The following CLIP2 variants were observed in gnomAD, a reference collection of about 807,000 sequenced individuals.
CLIP2 encodes CAP-Gly domain-containing linker protein 2.
CLIP2 carries 41 observed loss-of-function variants against 111.7 expected under a neutral mutation model. The observed-to-expected ratio is 0.37, with a 90% confidence interval of 0.29 to 0.48. CLIP2 has a LOEUF of 0.48. Ranked by LOEUF, CLIP2 falls within the 20% of genes least tolerant of loss-of-function variation. CLIP2 has a pLI of 0.99. For synonymous variants in CLIP2, 660 were observed against 644.2 expected (o/e 1.02, Z -0.37); for missense variants, 1,160 against 1,422.1 (o/e 0.82, Z 2.96).
intron 13 of CLIP2, among the ~76,000 whole-genome samples, chr7:74,390,197 GAA>G (rs1480947060): frequency 2.9e-5 from 4 of 137,468 alleles, no homozygotes; most frequent in East Asian, 3.9e-4. Flanking sequence ...AAGAAAGAAA[GAA>G]AGAAAGAAAG....
At position 74,354,307 on chromosome 7, in the gene CLIP2, T is replaced by C. The variant is rs528655557; in HGVS notation, c.803+303T>C. On this transcript the variant is annotated intron_variant, in intron 4 of 16. Coordinates refer to ENST00000223398, the MANE Select transcript of CLIP2 (RefSeq NM_003388.5). ...TTGTGTCACTCATGTCTAAGTGGGGTGGGAGCCCTCAAAAAGGAGAGGGAG... is the reference window on the plus strand; with the variant it reads ...TTGTGTCACTCATGTCTAAGTGGGGCGGGAGCCCTCAAAAAGGAGAGGGAG... Among the ~76,000 whole-genome samples, 33 of 152,090 alleles carry C rather than the reference T, an allele frequency of 2.2e-4. No individual in the cohort carries two copies. The South Asian group carries it at 6.8e-3, about 32-fold the overall frequency.
In CLIP2 at chr7:74,376,133, G is replaced by T; in HGVS notation, c.1732G>T (p.Val578Leu). The T allele has an allele frequency of 6.2e-7, 1 of 1,609,920 alleles. No homozygotes were observed. The highest frequency in any genetic ancestry group is 8.5e-7 in the Non-Finnish European group (1 of 1,177,996). ...GGCCCTGAAGGCCTACCAGGCGGAG[G>T]TGGACAAGCTCCGCGCGGCCAACGA... ...EKALKAYQAE[V>L]DKLRAANEKY... The change falls in exon 10 of 17, where the codon GTG becomes TTG. Residue 578 changes from valine (V) to leucine (L), a missense_variant. Physicochemically the swap from Val to Leu is conservative, Grantham distance 32. This residue lies in a region of CLIP2 where 676 missense variants were observed against 777.8 expected (regional missense o/e 0.87). Transcript: ENST00000223398. The surrounding 1 kb of genome is among the most constrained non-coding windows in gnomAD (Gnocchi z 7.1).
At chr7:74,363,279 G>A (rs532927980) in intron 7 of CLIP2, among the ~76,000 whole-genome samples, 2 of 152,324 alleles carry the variant, frequency 1.3e-5, no homozygotes, top group African/African-American at 4.8e-5. Context: ...TGGGATTACG[G>A]GCGTGAGCCA....
intron 2 of CLIP2, among the ~76,000 whole-genome samples, chr7:74,318,723 T>G (rs1021609140): frequency 7.3e-5 from 11 of 151,718 alleles, no homozygotes; most frequent in Non-Finnish European, 1.2e-4. Context: ...AAAAAAAAAA[T>G]GACGATCGTT....
chr7:74,381,417 GA>G (rs1375590279), intron 11 of CLIP2, among the ~76,000 whole-genome samples: 1 of 152,182 alleles, frequency 6.6e-6, no homozygotes, highest in African/African-American at 2.4e-5. Flanking sequence ...TCGATCTCCT[GA>G]CTGCGTGATC....
At chr7:74,392,435 C>T (rs1247760725) in intron 13 of CLIP2, among the ~76,000 whole-genome samples, 3 of 151,584 alleles carry the variant, frequency 2.0e-5, no homozygotes, top group Admixed American at 6.6e-5. Flanking sequence ...CAGGAGGCTG[C>T]GGTAGTAGGA....
At chr7:74,371,267 G>T in intron 8 of CLIP2, among the ~76,000 whole-genome samples, 1 of 101,634 alleles carries the variant, frequency 9.8e-6, no homozygotes, top group Non-Finnish European at 2.4e-5. Context: ...AAAAAAAAAA[G>T]GTTGAGGGGA....
chr7:74,293,051 A>T (rs929021425), intron 1 of CLIP2, among the ~76,000 whole-genome samples: 12 of 152,070 alleles, frequency 7.9e-5, no homozygotes, highest in Admixed American at 2.0e-4. Flanking sequence ...TGCCTCACCT[A>T]AGGCTGACGT....
chr7:74,330,715 G>A (rs1174716645), intron 2 of CLIP2, among the ~76,000 whole-genome samples: 5 of 152,046 alleles, frequency 3.3e-5, no homozygotes, highest in Admixed American at 6.6e-5. Context: ...GACAAATAAT[G>A]TTTTAAAGGT....
At chr7:74,331,205 CAAAAAAAAAAAAAAAAA>C (rs58844348) in intron 2 of CLIP2, among the ~76,000 whole-genome samples, 1 of 59,942 alleles carries the variant, frequency 1.7e-5, no homozygotes, top group African/African-American at 7.7e-5. Context: ...GACTCCATCT[CAAAAAAAAAAAAAAAAA>C]AAAAAAAAAA....
At chr7:74,359,997 T>C (rs1031643392) in intron 6 of CLIP2, among the ~76,000 whole-genome samples, 178 bp from the exon 7 acceptor site, 1 of 152,188 alleles carries the variant, frequency 6.6e-6, no homozygotes, top group Non-Finnish European at 1.5e-5. Context: ...CTCTTGTTCC[T>C]ACTGGGTCCC....
At chr7:74,316,101 C>G (rs1302625135) in intron 1 of CLIP2, among the ~76,000 whole-genome samples, 1 of 148,212 alleles carries the variant, frequency 6.7e-6, no homozygotes, top group African/African-American at 2.5e-5. Context: ...TCTCATTGTC[C>G]AGCTCCGACT....
intron 9 of CLIP2, among the ~76,000 whole-genome samples, chr7:74,374,213 C>T (rs1373655378): frequency 6.6e-6 from 1 of 152,194 alleles, no homozygotes; most frequent in Non-Finnish European, 1.5e-5. Context: ...TGTTGGTCTC[C>T]GTGCACAAGT....
chr7:74,374,711 A>G (rs1790726595), intron 9 of CLIP2, among the ~76,000 whole-genome samples: 1 of 152,076 alleles, frequency 6.6e-6, no homozygotes, highest in African/African-American at 2.4e-5. Flanking sequence ...AGAGAGTGAG[A>G]CTCCATCTCG....
chr7:74,304,294 A>G (rs1166107065), intron 1 of CLIP2, among the ~76,000 whole-genome samples: 1 of 152,110 alleles, frequency 6.6e-6, no homozygotes, highest in Middle Eastern at 3.4e-3. Context: ...TGGGAGGCCA[A>G]GGCAGGTGGA....
intron 13 of CLIP2, among the ~76,000 whole-genome samples, chr7:74,392,077 C>T (rs539466612): frequency 1.1e-4 from 16 of 151,064 alleles, no homozygotes; most frequent in Admixed American, 7.9e-4. Context: ...CGTGGCTGGG[C>T]GCAGTGGCTC....
intron 3 of CLIP2, among the ~76,000 whole-genome samples, chr7:74,342,812 C>T (rs1315844527): frequency 6.6e-6 from 1 of 152,118 alleles, no homozygotes; most frequent in Non-Finnish European, 1.5e-5. Context: ...CTTTGAGAGG[C>T]TGAGGCAGGC....
chr7:74,342,863 G>A lies in CLIP2; in HGVS notation c.678+3859G>A, dbSNP rs188554671. Among the ~76,000 whole-genome samples the A allele has an allele frequency of 8.8e-3, 1,335 of 152,070 alleles. 43 individuals are homozygous for A. Among genetic ancestry groups the A allele is most frequent in the Admixed American group, 0.056 (857 of 15,244 alleles). Reference sequence around the variant, plus strand: ...GAGATCGAGACCATGGTGAAACCCCGTCTCTACTAAAAATACAAAAAATTA... The same window carrying A: ...GAGATCGAGACCATGGTGAAACCCCATCTCTACTAAAAATACAAAAAATTA... On this transcript the variant is annotated intron_variant, in intron 3 of 16. Transcript: ENST00000223398.
intron 8 of CLIP2, chr7:74,364,830 T>C (rs1189804688): frequency 8.8e-6 from 4 of 453,932 alleles, no homozygotes; most frequent in Non-Finnish European, 1.8e-5. Flanking sequence ...AAGACCAGCC[T>C]GGGCAACGTA....
Sources: allele counts gnomAD v4.1 joint callset (sites outside exome capture counted in the v4.1 genomes callset), GRCh38; gene constraint gnomAD v4.1.1; regional missense constraint gnomAD v4.1.1; non-coding constraint Gnocchi (gnomAD v3.1); transcripts MANE v1.5; gene names NCBI Gene and HGNC (gene_info 2026-07-23, HGNC 2026-07-21).